Variants in NECAP2 observed in about 807,000 individuals in gnomAD.
NECAP2 encodes adaptin ear-binding coat-associated protein 2.
A neutral mutation model predicts 37.8 loss-of-function variants in NECAP2; 38 were observed. The ratio of observed to expected loss-of-function variants is 1.01; its 90% CI spans 0.78 to 1.32. The LOEUF is 1.32. Among genes scored for constraint, NECAP2 ranks in the 40% most tolerant of loss-of-function variants. The probability of loss-of-function intolerance (pLI) is 0.00; values close to 1 mark genes in which losing one functional copy is unlikely to be tolerated. For missense variants in NECAP2, 316 were observed against 334.5 expected, an observed-to-expected ratio of 0.94 and a Z score of 0.43; for synonymous variants, 121 against 127.7, an observed-to-expected ratio of 0.95 and a Z score of 0.35.
At chr1:16,446,752 C>A (rs1045780915) in intron 2 of NECAP2, among the ~76,000 whole-genome samples, 3 of 152,086 alleles carry the variant, frequency 2.0e-5, no homozygotes, top group Admixed American at 6.5e-5. Flanking sequence ...CCATCTTGCT[C>A]ATGCTAGTCT....
chr1:16,455,502 C>A (rs72638053), intron 6 of NECAP2: 8,309 of 326,068 alleles, frequency 0.025, 155 homozygotes, highest in Middle Eastern at 0.039. Context: ...TGGTTGATAA[C>A]AAAGTCAGCT....
At chr1:16,455,560 G>T in intron 6 of NECAP2, 1 of 470,152 alleles carries the variant, frequency 2.1e-6, no homozygotes, top group Non-Finnish European at 3.8e-6. Context: ...CATCCCGCGG[G>T]CACCCCTCGT....
intron 2 of NECAP2, 47 bp downstream of exon 2, chr1:16,443,779 T>G: frequency 6.8e-7 from 1 of 1,469,506 alleles, no homozygotes; most frequent in Non-Finnish European, 9.4e-7. Flanking sequence ...GCACCCCACT[T>G]TATGAAGGGA....
chr1:16,456,814 A>G (rs2086927319), intron 7 of NECAP2, among the ~76,000 whole-genome samples: 1 of 152,188 alleles, frequency 6.6e-6, no homozygotes, highest in African/African-American at 2.4e-5. Flanking sequence ...GCTTACTGCA[A>G]CCACATTCTC....
intron 1 of NECAP2, among the ~76,000 whole-genome samples, chr1:16,442,273 C>T (rs751334454): frequency 6.6e-6 from 1 of 152,134 alleles, no homozygotes; most frequent in Admixed American, 6.5e-5. Context: ...CCACCGCGCC[C>T]GGCCCCCTAT....
intron 1 of NECAP2, among the ~76,000 whole-genome samples, chr1:16,442,100 T>C (rs1422210558): frequency 6.6e-6 from 1 of 151,548 alleles, no homozygotes; most frequent in Non-Finnish European, 1.5e-5. Context: ...TGCCTCAGCC[T>C]CCCGAGTAGC....
At chr1:16,450,242 G>A in intron 5 of NECAP2, 1 of 387,646 alleles carries the variant, frequency 2.6e-6, no homozygotes, top group South Asian at 1.8e-5. Flanking sequence ...TGAGGGCCAG[G>A]TAGTGGTTTT....
chr1:16,453,884 C>G (rs999242716), intron 6 of NECAP2, among the ~76,000 whole-genome samples: 2 of 152,160 alleles, frequency 1.3e-5, no homozygotes, highest in Non-Finnish European at 2.9e-5. Context: ...CATCCAGTTT[C>G]AGCTCTCAAG....
At chr1:16,448,479 C>A in intron 4 of NECAP2, 2 of 340,096 alleles carry the variant, frequency 5.9e-6, no homozygotes, top group South Asian at 3.4e-5. Context: ...CCCAGGGCAC[C>A]CAGCAGATGC....
At chr1:16,444,105 GT>G (rs1442180542) in intron 2 of NECAP2, among the ~76,000 whole-genome samples, 2 of 152,276 alleles carry the variant, frequency 1.3e-5, no homozygotes, top group East Asian at 3.9e-4. Context: ...CTGAGGAATT[GT>G]TTATCAATGC....
intron 2 of NECAP2, among the ~76,000 whole-genome samples, chr1:16,446,569 T>C (rs1412832742): frequency 1.3e-5 from 2 of 151,918 alleles, no homozygotes; most frequent in South Asian, 2.1e-4. Context: ...TTCTTTCTTT[T>C]TTTTTTTTCT....
intron 2 of NECAP2, among the ~76,000 whole-genome samples, chr1:16,446,705 G>A (rs988396149): frequency 6.6e-6 from 1 of 152,000 alleles, no homozygotes; most frequent in Non-Finnish European, 1.5e-5. Context: ...CACCATGCCT[G>A]GCTTATTTTT....
chr1:16,458,534 T>C (rs1168271372), intron 7 of NECAP2, among the ~76,000 whole-genome samples: 1 of 152,046 alleles, frequency 6.6e-6, no homozygotes, highest in African/African-American at 2.4e-5. Context: ...GAGGCTATAG[T>C]TGGCCTTGAG....
intron 7 of NECAP2, among the ~76,000 whole-genome samples, chr1:16,456,798 A>G (rs2086927058): frequency 6.6e-6 from 1 of 152,224 alleles, no homozygotes; most frequent in South Asian, 2.1e-4. Context: ...CAGTGGCACT[A>G]TCACGGCTTA....
Position 16,451,832 on chromosome 1 carries a change from C to T in NECAP2, c.490-6C>T, listed in dbSNP as rs1168227674. ...GGGCTGATTTGCATTCCTCTTCCCT[C>T]TTTAGAACATGAAGAAGAAGGAAGG... On this transcript the variant is annotated splice_polypyrimidine_tract_variant and splice_region_variant and intron_variant, in intron 5 of 7. Transcript: ENST00000337132. The T allele has an allele frequency of 5.6e-6, 9 of 1,614,110 alleles. No homozygotes were observed. Among genetic ancestry groups the T allele is most frequent in the Non-Finnish European group, 1.7e-6 (2 of 1,179,990 alleles).
At chr1:16,457,444 T>A (rs2086937254) in intron 7 of NECAP2, among the ~76,000 whole-genome samples, 1 of 152,002 alleles carries the variant, frequency 6.6e-6, no homozygotes, top group African/African-American at 2.4e-5. Flanking sequence ...AGAGCAAGAC[T>A]CCATCTCAAA....
At chr1:16,442,897 G>A (rs923107002) in intron 1 of NECAP2, among the ~76,000 whole-genome samples, 2 of 152,154 alleles carry the variant, frequency 1.3e-5, no homozygotes, top group Non-Finnish European at 2.9e-5. Context: ...ACTTCAGCCC[G>A]GGTGACAGAG....
chr1:16,447,900 A>G lies in NECAP2; in HGVS notation c.224A>G (p.Gln75Arg), dbSNP rs757617192. The change falls in exon 3 of 8, where the codon CAG becomes CGG. Residue 75 changes from glutamine (Q) to arginine (R), a missense_variant. Transcript: ENST00000337132. ...GELFAQAPVDQFPGTAVESVT... is the reference protein window; with the variant it reads ...GELFAQAPVDRFPGTAVESVT... ...CTCTTTGCTCAGGCCCCGGTGGATCAGTTTCCTGGCACAGCTGTGGAGAGT... is the reference window on the plus strand; with the variant it reads ...CTCTTTGCTCAGGCCCCGGTGGATCGGTTTCCTGGCACAGCTGTGGAGAGT... The G allele has an allele frequency of 1.2e-6, 2 of 1,614,108 alleles. No homozygotes were observed. Among genetic ancestry groups the G allele is most frequent in the Non-Finnish European group, 1.7e-6 (2 of 1,180,024 alleles).
chr1:16,453,128 T>C (rs12131704), intron 6 of NECAP2, among the ~76,000 whole-genome samples: 3 of 150,096 alleles, frequency 2.0e-5, no homozygotes, highest in Non-Finnish European at 4.4e-5. Context: ...TTTTTTGAAA[T>C]GGAGTTTTTT....
Sources: allele counts gnomAD v4.1 joint callset (sites outside exome capture counted in the v4.1 genomes callset), GRCh38; gene constraint gnomAD v4.1.1; transcripts MANE v1.5; gene names NCBI Gene and HGNC (gene_info 2026-07-23, HGNC 2026-07-21).